PCDH15: variants seen among roughly 807,000 people sequenced by gnomAD.
PCDH15 encodes protocadherin related 15, also known as protocadherin-15.
In PCDH15, 129 loss-of-function variants were observed where a neutral mutation model predicts 178.5. The ratio of observed to expected loss-of-function variants is 0.72; its 90% CI spans 0.63 to 0.84. The LOEUF (loss-of-function observed/expected upper bound fraction) is 0.84. Among genes scored for constraint, PCDH15 ranks in the 40% least tolerant of loss-of-function variants. The pLI is 0.00. For synonymous variants in PCDH15, 800 were observed against 732.0 expected (o/e 1.09, Z -1.50); for missense variants, 2,230 against 2,099.9 (o/e 1.06, Z -1.21).
chr10:54,337,429 C>A (rs535616170), intron 6 of PCDH15, among the ~76,000 whole-genome samples: 2 of 152,162 alleles, frequency 1.3e-5, no homozygotes, highest in East Asian at 3.9e-4. Flanking sequence ...GAGGGAGGGA[C>A]CCGGTGAGAG....
intron 3 of PCDH15, among the ~76,000 whole-genome samples, chr10:54,860,134 A>T (rs1953813565): frequency 1.3e-5 from 2 of 151,882 alleles, no homozygotes; most frequent in South Asian, 4.1e-4. Flanking sequence ...TCCTTGTTCT[A>T]CTGAGTTTTT....
At chr10:55,317,081 C>G (rs1041574936) in intron 1 of PCDH15, among the ~76,000 whole-genome samples, 4 of 152,150 alleles carry the variant, frequency 2.6e-5, no homozygotes, top group African/African-American at 9.7e-5. Context: ...TAATAAAATA[C>G]TAGCTCTACT....
intron 2 of PCDH15, among the ~76,000 whole-genome samples, chr10:54,577,846 A>T (rs1459241590): frequency 1.1e-4 from 1 of 8,860 alleles, no homozygotes; most frequent in African/African-American, 2.0e-4. Flanking sequence ...TTAAGCCTAA[A>T]TAAATGAATA....
At chr10:55,486,059 C>A (rs1156913719) in intron 2 of PCDH15, among the ~76,000 whole-genome samples, 1 of 151,690 alleles carries the variant, frequency 6.6e-6, no homozygotes, top group African/African-American at 2.4e-5. Context: ...ACTGGGAGGG[C>A]ACTCCTGGAA....
intron 3 of PCDH15, among the ~76,000 whole-genome samples, chr10:54,522,087 CAAAAAAAA>C (rs11313978): frequency 1.9e-3 from 114 of 58,884 alleles, no homozygotes; most frequent in Non-Finnish European, 2.8e-3. Context: ...GAATCCATCT[CAAAAAAAA>C]AAAAAAAAAA....
At chr10:54,815,838 A>C (rs1453711336) in intron 3 of PCDH15, among the ~76,000 whole-genome samples, 1 of 152,038 alleles carries the variant, frequency 6.6e-6, no homozygotes, top group Non-Finnish European at 1.5e-5. Context: ...CACTACTCTA[A>C]ATGTATTTTT....
intron 21 of PCDH15, among the ~76,000 whole-genome samples, chr10:53,991,779 C>G (rs1232412085): frequency 1.3e-5 from 2 of 152,140 alleles, no homozygotes; most frequent in Admixed American, 1.3e-4. Context: ...CCAATCAGCA[C>G]TCTGTGTCTA....
intron 8 of PCDH15, among the ~76,000 whole-genome samples, chr10:54,300,398 T>C (rs1407689645): frequency 6.6e-6 from 1 of 152,202 alleles, no homozygotes; most frequent in Admixed American, 6.5e-5. Context: ...CATCAAGCTA[T>C]AGATAGTCTT....
At chr10:54,539,513 T>C (rs2084960155) in intron 2 of PCDH15, among the ~76,000 whole-genome samples, 1 of 152,114 alleles carries the variant, frequency 6.6e-6, no homozygotes. Flanking sequence ...AAGACTGACA[T>C]AGCACACAAT....
intron 5 of PCDH15, among the ~76,000 whole-genome samples, chr10:54,366,559 A>C (rs1304028479): frequency 1.3e-5 from 2 of 152,060 alleles, no homozygotes; most frequent in Admixed American, 1.3e-4. Context: ...TAATAGATAA[A>C]ATTCATGTCA....
chr10:54,465,282 T>C (rs1262236496), intron 3 of PCDH15, among the ~76,000 whole-genome samples: 3 of 152,106 alleles, frequency 2.0e-5, no homozygotes, highest in Non-Finnish European at 4.4e-5. Flanking sequence ...CTTGTGTCTA[T>C]TTAGAAATAT....
intron 2 of PCDH15, among the ~76,000 whole-genome samples, chr10:54,631,342 A>G (rs758378905): frequency 2.4e-4 from 37 of 152,164 alleles, no homozygotes; most frequent in Non-Finnish European, 4.7e-4. Context: ...TAGCCAATTC[A>G]ATCTCTTTTT....
chr10:54,047,342 C>T (rs1354625993), intron 18 of PCDH15, among the ~76,000 whole-genome samples: 2 of 140,602 alleles, frequency 1.4e-5, no homozygotes, highest in Non-Finnish European at 3.0e-5. Flanking sequence ...TTCAATTGTT[C>T]TTTGCATTCA....
chr10:54,116,052 AG>A (rs1402265737), intron 15 of PCDH15, among the ~76,000 whole-genome samples: 1 of 152,194 alleles, frequency 6.6e-6, no homozygotes, highest in African/African-American at 2.4e-5. Flanking sequence ...AAGGGGAAGA[AG>A]TATCAAAGAA....
intron 20 of PCDH15, among the ~76,000 whole-genome samples, chr10:54,013,045 A>G (rs967985198): frequency 6.6e-6 from 1 of 152,212 alleles, no homozygotes; most frequent in African/African-American, 2.4e-5. Context: ...CCATAGGCCC[A>G]AAGTAAAGGT....
At chr10:54,940,303 G>C (rs903921368) in intron 2 of PCDH15, among the ~76,000 whole-genome samples, 1 of 152,090 alleles carries the variant, frequency 6.6e-6, no homozygotes, top group Non-Finnish European at 1.5e-5. Flanking sequence ...GATTGTTAAA[G>C]AGTGTGTTGT....
At chr10:54,951,767 G>A (rs1331759043) in intron 2 of PCDH15, among the ~76,000 whole-genome samples, 1 of 151,814 alleles carries the variant, frequency 6.6e-6, no homozygotes, top group Non-Finnish European at 1.5e-5. Flanking sequence ...GGTAAACAGA[G>A]GTATCTCAGA....
chr10:55,159,239 T>C (rs1838985681), intron 2 of PCDH15, among the ~76,000 whole-genome samples: 1 of 151,800 alleles, frequency 6.6e-6, no homozygotes, highest in Non-Finnish European at 1.5e-5. Flanking sequence ...TGGTTTCAAA[T>C]GGAATATTTT....
At chr10:55,261,233 A>AT (rs1842139505) in intron 1 of PCDH15, among the ~76,000 whole-genome samples, 1 of 152,196 alleles carries the variant, frequency 6.6e-6, no homozygotes, top group African/African-American at 2.4e-5. Flanking sequence ...ATGAAATATA[A>AT]TTGGTATGAG....
Sources: gnomAD v4.1 joint callset for allele counts (sites outside exome capture counted in the v4.1 genomes callset) on GRCh38, gnomAD v4.1.1 for gene constraint, MANE v1.5 for transcripts, NCBI Gene and HGNC (gene_info 2026-07-23, HGNC 2026-07-21) for gene names.